Variants in DLGAP2 observed in about 807,000 individuals in gnomAD.
The protein encoded by DLGAP2 is DLG associated protein 2.
In DLGAP2, 26 loss-of-function variants were observed where a neutral mutation model predicts 100.3. That is an observed-to-expected ratio of 0.26 (90% CI 0.19 to 0.36). DLGAP2 has a LOEUF of 0.36. DLGAP2 is among the 10% of genes least tolerant of loss of function. The pLI is 1.00. For synonymous variants in DLGAP2, 886 were observed against 630.1 expected (o/e 1.41, Z -6.08); for missense variants, 1,858 against 1,453.2 (o/e 1.28, Z -4.53).
chr8:1,524,641 A>G (rs1800727448), intron 4 of DLGAP2, among the ~76,000 whole-genome samples: 3 of 152,050 alleles, frequency 2.0e-5, no homozygotes, highest in South Asian at 4.2e-4. Context: ...CATCTTCTCA[A>G]AAAAATAGAT....
At chr8:1,008,321 C>T (rs750209329) in intron 2 of DLGAP2, among the ~76,000 whole-genome samples, 1 of 152,206 alleles carries the variant, frequency 6.6e-6, no homozygotes, top group Non-Finnish European at 1.5e-5. Context: ...TGTTTACCTT[C>T]CTTTGCACAA....
chr8:1,658,757 C>G (rs1416752867), intron 8 of DLGAP2, among the ~76,000 whole-genome samples: 5 of 152,046 alleles, frequency 3.3e-5, no homozygotes, highest in African/African-American at 1.2e-4. Context: ...AGTCTGGCTA[C>G]CGGTCCATGT....
At chr8:845,287 C>G (rs1484053373) in intron 1 of DLGAP2, among the ~76,000 whole-genome samples, 2 of 152,198 alleles carry the variant, frequency 1.3e-5, no homozygotes, top group African/African-American at 4.8e-5. Context: ...CTGATTTCAT[C>G]AGATCCTCAC....
At chr8:899,294 A>C (rs1798205758) in intron 1 of DLGAP2, among the ~76,000 whole-genome samples, 1 of 152,232 alleles carries the variant, frequency 6.6e-6, no homozygotes, top group African/African-American at 2.4e-5. Context: ...CATTGGCCAA[A>C]GGTGGCCTTC....
chr8:985,232 G>T (rs988500076), intron 2 of DLGAP2, among the ~76,000 whole-genome samples: 3 of 152,176 alleles, frequency 2.0e-5, no homozygotes, highest in East Asian at 1.9e-4. Context: ...AGGTCCGAAG[G>T]CCTGGCTCAG....
intron 4 of DLGAP2, among the ~76,000 whole-genome samples, chr8:1,509,089 T>C (rs936540560): frequency 7.9e-5 from 12 of 151,950 alleles, no homozygotes; most frequent in African/African-American, 2.9e-4. Flanking sequence ...TCTCAGCACT[T>C]TGGGAGGCCG....
At chr8:1,458,530 A>G (rs921883212) in intron 3 of DLGAP2, among the ~76,000 whole-genome samples, 3 of 152,228 alleles carry the variant, frequency 2.0e-5, no homozygotes, top group African/African-American at 4.8e-5. Context: ...ACCTGGCATC[A>G]TGAATAATGG....
intron 8 of DLGAP2, 77 bp from the exon 9 acceptor site, chr8:1,668,252 T>C (rs1798594336): frequency 7.5e-7 from 1 of 1,338,098 alleles, no homozygotes; most frequent in Non-Finnish European, 1.0e-6. Flanking sequence ...CCACAGGGCA[T>C]GGGCGTGGGG....
rs1180840834 is a variant in DLGAP2, at chr8:1,430,863, A to ATATCAGGC, written c.107-70502_107-70495dup. ...CAGGAATGGCACGGCAGCGTCTTTG[A>ATATCAGGC]TATCAGGCATTGGCAATAATGAATG... On this transcript the variant is annotated intron_variant, in intron 3 of 14. Coordinates refer to ENST00000637795, the MANE Select transcript of DLGAP2 (RefSeq NM_001346810.2). 2.6e-5 allele frequency among the ~76,000 whole-genome samples: 4 copies of ATATCAGGC among 152,328 alleles called. No individual in the cohort carries two copies. The East Asian group carries it at 7.7e-4, about 29-fold the overall frequency.
At chr8:768,901 GC>G (rs1322656276) in intron 1 of DLGAP2, among the ~76,000 whole-genome samples, 1 of 152,152 alleles carries the variant, frequency 6.6e-6, no homozygotes, top group Middle Eastern at 3.2e-3. Flanking sequence ...TCTGTGTGGG[GC>G]TGAGGACGCT....
chr8:1,156,604 T>TC (rs1563219992), intron 2 of DLGAP2, among the ~76,000 whole-genome samples: 4 of 22,630 alleles, frequency 1.8e-4, no homozygotes, highest in East Asian at 1.1e-3. Context: ...CGCCCCAGCC[T>TC]AGCGTCCCAG....
At chr8:827,463 G>C (rs978552125) in intron 1 of DLGAP2, among the ~76,000 whole-genome samples, 1 of 152,118 alleles carries the variant, frequency 6.6e-6, no homozygotes, top group South Asian at 2.1e-4. Context: ...TTACTCAAAC[G>C]GTTATTTCAA....
At chr8:1,304,282 C>T (rs1426751148) in intron 3 of DLGAP2, among the ~76,000 whole-genome samples, 1 of 152,150 alleles carries the variant, frequency 6.6e-6, no homozygotes, top group African/African-American at 2.4e-5. Flanking sequence ...GCCACCGTGG[C>T]CCCACACCCA....
In DLGAP2 at chr8:1,195,305, G is replaced by A. The variant is rs180790572; in HGVS notation, c.74-63546G>A. ...AGAACTGGCTTCCCTGCACCCTCAGGAGCAGAGCCTGAAGTCAGGGCTGTC... is the reference window on the plus strand; with the variant it reads ...AGAACTGGCTTCCCTGCACCCTCAGAAGCAGAGCCTGAAGTCAGGGCTGTC... On this transcript the variant is annotated intron_variant, in intron 2 of 14. Coordinates refer to ENST00000637795, the MANE Select transcript of DLGAP2 (RefSeq NM_001346810.2). Among the ~76,000 whole-genome samples the A allele has an allele frequency of 1.1e-3, 174 of 152,292 alleles. 1 individual carries two copies. The highest frequency in any genetic ancestry group is 3.9e-3 in the African/African-American group (164 of 41,564).
At chr8:970,456 G>C (rs1799985002) in intron 2 of DLGAP2, among the ~76,000 whole-genome samples, 1 of 152,158 alleles carries the variant, frequency 6.6e-6, no homozygotes, top group African/African-American at 2.4e-5. Flanking sequence ...AAGGACAAAT[G>C]GCAGAATTCT....
intron 1 of DLGAP2, among the ~76,000 whole-genome samples, chr8:818,655 C>A (rs1392902947): frequency 6.6e-6 from 1 of 152,222 alleles, no homozygotes; most frequent in Non-Finnish European, 1.5e-5. Flanking sequence ...TATCTGTCAT[C>A]TTAATCCTCT....
At chr8:1,659,209 TTTG>T (rs1407001152) in intron 8 of DLGAP2, among the ~76,000 whole-genome samples, 1 of 152,194 alleles carries the variant, frequency 6.6e-6, no homozygotes, top group African/African-American at 2.4e-5. Flanking sequence ...GGAGAGACTG[TTTG>T]TTATGATTTC....
At chr8:1,268,965 C>G (rs551999435) in intron 3 of DLGAP2, among the ~76,000 whole-genome samples, 2 of 152,182 alleles carry the variant, frequency 1.3e-5, no homozygotes, top group Non-Finnish European at 2.9e-5. Flanking sequence ...GCAGCTGATT[C>G]TGCAGGTAGC....
chr8:1,432,459 T>G (rs145692098), intron 3 of DLGAP2, among the ~76,000 whole-genome samples: 424 of 152,296 alleles, frequency 2.8e-3, no homozygotes, highest in African/African-American at 9.3e-3. Flanking sequence ...TATTTGTCAT[T>G]TTCCCATAAA....
Sources: gnomAD v4.1 joint callset for allele counts (sites outside exome capture counted in the v4.1 genomes callset) on GRCh38, gnomAD v4.1.1 for gene constraint, MANE v1.5 for transcripts, NCBI Gene and HGNC (gene_info 2026-07-23, HGNC 2026-07-21) for gene names.